The following TBC1D30 variants were observed in gnomAD, a reference collection of about 807,000 sequenced individuals.
TBC1D30 encodes the protein TBC1 domain family, member 30.
A neutral mutation model predicts 63.2 loss-of-function variants in TBC1D30; 31 were observed. The observed-to-expected ratio is 0.49, with a 90% confidence interval of 0.37 to 0.66. The LOEUF is 0.66. Ranked by LOEUF, TBC1D30 falls within the 30% of genes least tolerant of loss-of-function variation. The pLI is 0.00. For missense variants in TBC1D30, 810 were observed against 953.6 expected, an observed-to-expected ratio of 0.85 and a Z score of 1.98; for synonymous variants, 307 against 361.5, an observed-to-expected ratio of 0.85 and a Z score of 1.71.
At chr12:64,866,740 T>C in intron 9 of TBC1D30, 24 bp from the exon 10 acceptor site, 1 of 1,531,268 alleles carries the variant, frequency 6.5e-7, no homozygotes, top group Non-Finnish European at 8.7e-7. Context: ...GTATATTTCT[T>C]TTTTGTCTTT....
intron 8 of TBC1D30, among the ~76,000 whole-genome samples, chr12:64,854,355 A>G (rs1337001007): frequency 6.6e-6 from 1 of 152,220 alleles, no homozygotes; most frequent in Non-Finnish European, 1.5e-5. Context: ...ACATGCAAAA[A>G]GAAAACTAAT....
chr12:64,773,129 G>C (rs1035491757), intron 1 of TBC1D30, among the ~76,000 whole-genome samples: 1 of 152,222 alleles, frequency 6.6e-6, no homozygotes, highest in African/African-American at 2.4e-5. Context: ...GCAAAACTCA[G>C]CCATTCTACC....
At position 64,836,603 on chromosome 12, in the gene TBC1D30, G is replaced by A. The variant is rs185901817; in HGVS notation, c.708G>A (p.Pro236=). Residue 236 remains proline (P), a synonymous_variant, in exon 6 of 12, where the codon CCG becomes CCA. Transcript: ENST00000539867. ...GAGACCTTTTAAGAATGAAGCTGCCGGAATTATCTCAGCACCTGGATACTC... is the reference window on the plus strand; with the variant it reads ...GAGACCTTTTAAGAATGAAGCTGCCAGAATTATCTCAGCACCTGGATACTC... The part of the protein sequence containing the change: ...VFRDLLRMKL[P]ELSQHLDTLQ... 711 of 1,535,904 alleles carry A rather than the reference G, an allele frequency of 4.6e-4. 3 individuals carry two copies. The highest frequency in any genetic ancestry group is 5.6e-4 in the Non-Finnish European group (641 of 1,146,818).
At chr12:64,841,209 T>C (rs1875837961) in intron 7 of TBC1D30, among the ~76,000 whole-genome samples, 1 of 152,172 alleles carries the variant, frequency 6.6e-6, no homozygotes, top group Non-Finnish European at 1.5e-5. Context: ...CTGAGTAACA[T>C]GTGCCTTATA....
chr12:64,772,887 T>G (rs974223155), intron 1 of TBC1D30, among the ~76,000 whole-genome samples: 15 of 152,218 alleles, frequency 9.9e-5, no homozygotes, highest in African/African-American at 3.4e-4. Flanking sequence ...CCATAAACTT[T>G]CTTTCTACTA....
intron 2 of TBC1D30, chr12:64,818,738 A>G (rs1873705800): frequency 6.6e-6 from 1 of 152,418 alleles, no homozygotes; most frequent in Admixed American, 6.5e-5. Context: ...CACCTGGCCA[A>G]CTGTAAACTC....
intron 6 of TBC1D30, 117 bp downstream of exon 6, chr12:64,836,775 G>C (rs1875401681): frequency 1.9e-6 from 2 of 1,056,980 alleles, no homozygotes; most frequent in East Asian, 2.6e-5. Context: ...TAAGAGCTTG[G>C]TGTAATGAAA....
intron 5 of TBC1D30, among the ~76,000 whole-genome samples, chr12:64,833,604 T>C (rs1475034496): frequency 3.3e-5 from 5 of 152,222 alleles, no homozygotes; most frequent in African/African-American, 1.2e-4. Flanking sequence ...CACTGATTAA[T>C]GTGATGTGGA....
intron 1 of TBC1D30, among the ~76,000 whole-genome samples, chr12:64,785,228 T>C (rs1177237290): frequency 1.3e-5 from 2 of 151,572 alleles, no homozygotes; most frequent in African/African-American, 2.4e-5. Flanking sequence ...CTTGGCTCAC[T>C]GCAGCCTCCT....
rs922377881 is a variant in TBC1D30 at position 64,771,734 on chromosome 12, ATAG to A, written c.-376+12090_-376+12092del. Among the ~76,000 whole-genome samples, 54 of 152,358 alleles carry A rather than the reference ATAG, an allele frequency of 3.5e-4. 1 individual carries two copies. Among genetic ancestry groups the A allele is most frequent in the African/African-American group, 1.3e-3 (52 of 41,580 alleles). ...AATCACTCAGCATTGGCCTTGAATC[ATAG>A]TAGTTTAAAAAAACAACAACATAGT... On this transcript the variant is annotated intron_variant, in intron 1 of 13. Coordinates refer to the TBC1D30 transcript ENST00000674237.
At chr12:64,785,641 T>C (rs780368213) in intron 1 of TBC1D30, among the ~76,000 whole-genome samples, 2 of 152,224 alleles carry the variant, frequency 1.3e-5, no homozygotes, top group Non-Finnish European at 2.9e-5. Flanking sequence ...TTTTGCTCCA[T>C]GTTACAGATA....
upstream of TBC1D30, among the ~76,000 whole-genome samples, chr12:64,824,291 T>G (rs1874087823): frequency 6.6e-6 from 1 of 152,148 alleles, no homozygotes; most frequent in African/African-American, 2.4e-5. Context: ...GGCTGAAGCG[T>G]GTGCCTCGCC....
upstream of TBC1D30, among the ~76,000 whole-genome samples, chr12:64,820,242 T>TA (rs1215590997): frequency 7.9e-5 from 12 of 152,240 alleles, no homozygotes; most frequent in Non-Finnish European, 1.6e-4. Context: ...ACATAGTTTT[T>TA]ATTCCTTGTG....
chr12:64,838,570 A>G, intron 6 of TBC1D30, 113 bp from the exon 7 acceptor site: 1 of 1,048,238 alleles, frequency 9.5e-7, no homozygotes, highest in Non-Finnish European at 1.3e-6. Flanking sequence ...ATATGAAGAA[A>G]TCAGTCAGGA....
intron 8 of TBC1D30, among the ~76,000 whole-genome samples, chr12:64,862,256 A>T (rs1405478781): frequency 6.6e-6 from 1 of 152,176 alleles, no homozygotes; most frequent in African/African-American, 2.4e-5. Flanking sequence ...TGTGCCAGGG[A>T]TGCTTATGCT....
At chr12:64,843,834 C>G (rs1876117225) in intron 8 of TBC1D30, among the ~76,000 whole-genome samples, 1 of 152,200 alleles carries the variant, frequency 6.6e-6, no homozygotes, top group African/African-American at 2.4e-5. Flanking sequence ...TTCTGTCACC[C>G]TGGCTGGAGT....
At chr12:64,773,279 A>G (rs1473015507) in intron 1 of TBC1D30, among the ~76,000 whole-genome samples, 2 of 151,778 alleles carry the variant, frequency 1.3e-5, no homozygotes, top group African/African-American at 4.8e-5. Flanking sequence ...AGGACCTCTC[A>G]ACTGGGGCCT....
intron 11 of TBC1D30, among the ~76,000 whole-genome samples, chr12:64,871,224 C>T (rs1878632337): frequency 6.6e-6 from 1 of 152,046 alleles, no homozygotes; most frequent in South Asian, 2.1e-4. Context: ...GATATTATAA[C>T]AGATGTTGTA....
intron 1 of TBC1D30, among the ~76,000 whole-genome samples, chr12:64,767,549 C>T (rs1011519240): frequency 1.1e-4 from 17 of 152,122 alleles, no homozygotes; most frequent in Non-Finnish European, 4.4e-5. Flanking sequence ...CACATTCATA[C>T]AGAATGAACA....
Sources: gnomAD v4.1 joint callset for allele counts (sites outside exome capture counted in the v4.1 genomes callset) on GRCh38, gnomAD v4.1.1 for gene constraint, MANE v1.5 for transcripts, NCBI Gene and HGNC (gene_info 2026-07-23, HGNC 2026-07-21) for gene names.